The following DPP10 variants were observed in gnomAD, a reference collection of about 807,000 sequenced individuals.
The protein encoded by DPP10 is dipeptidyl peptidase like 10.
DPP10 carries 33 observed loss-of-function variants against 120.9 expected under a neutral mutation model. That is an observed-to-expected ratio of 0.27 (90% CI 0.21 to 0.37). The LOEUF (loss-of-function observed/expected upper bound fraction) is 0.37. Among genes scored for constraint, DPP10 ranks in the 10% least tolerant of loss-of-function variants. DPP10 has a pLI of 1.00. For missense variants in DPP10, 816 were observed against 942.8 expected (o/e 0.87, Z 1.76); for synonymous variants, 337 against 326.1 (o/e 1.03, Z -0.36).
chr2:115,087,533 C>CTTTTTTTTTTTTTTTTTTTT (rs1310507943), intron 1 of DPP10, among the ~76,000 whole-genome samples: 6 of 92,584 alleles, frequency 6.5e-5, no homozygotes, highest in East Asian at 2.8e-4. Context: ...CTTTTCTTTT[C>CTTTTTTTTTTTTTTTTTTTT]TTTTCTTTTT....
intron 1 of DPP10, among the ~76,000 whole-genome samples, chr2:114,942,301 A>ATG (rs1696977741): frequency 8.9e-6 from 1 of 111,812 alleles, no homozygotes; most frequent in African/African-American, 3.4e-5. Context: ...ATATATACAT[A>ATG]TATATATATA....
intron 3 of DPP10, among the ~76,000 whole-genome samples, chr2:115,410,618 A>C (rs2068879124): frequency 6.6e-6 from 1 of 152,142 alleles, no homozygotes; most frequent in Non-Finnish European, 1.5e-5. Flanking sequence ...TGGCACTTAA[A>C]AGCTGAAGGA....
intron 1 of DPP10, among the ~76,000 whole-genome samples, chr2:114,770,145 C>G (rs879843386): frequency 6.6e-6 from 1 of 151,916 alleles, no homozygotes; most frequent in African/African-American, 2.4e-5. Flanking sequence ...ACCAAAATAC[C>G]CATGCAGGGT....
At chr2:115,836,775 G>A (rs749492455) in intron 24 of DPP10, 29 bp downstream of exon 24, 3 of 1,598,720 alleles carry the variant, frequency 1.9e-6, no homozygotes, top group Non-Finnish European at 2.6e-6. Context: ...GCTGCTGTTT[G>A]ATAGGGTATG....
intron 1 of DPP10, among the ~76,000 whole-genome samples, chr2:114,453,365 T>C (rs1678390906): frequency 6.6e-6 from 1 of 152,178 alleles, no homozygotes; most frequent in South Asian, 2.1e-4. Context: ...ATTAAATGAC[T>C]CAGTTTCCAA....
intron 1 of DPP10, among the ~76,000 whole-genome samples, chr2:114,640,868 AAGG>A (rs1014021719): frequency 2.3e-4 from 35 of 152,044 alleles, no homozygotes; most frequent in Middle Eastern, 3.4e-3. Context: ...GAATGAGGGG[AAGG>A]AGGTTTCCCT....
chr2:114,762,858 T>C (rs1427720685), intron 1 of DPP10, among the ~76,000 whole-genome samples: 1 of 152,348 alleles, frequency 6.6e-6, no homozygotes, highest in South Asian at 2.1e-4. Context: ...GATAATCTAA[T>C]GTGTTCTGGG....
chr2:115,762,684 T>C, intron 12 of DPP10, 74 bp downstream of exon 12: 1 of 1,552,612 alleles, frequency 6.4e-7, no homozygotes. Context: ...GTGATAACTT[T>C]CTGTAAAAAG....
Position 114,614,224 on chromosome 2 carries a change from C to T in DPP10, c.60+171386C>T, listed in dbSNP as rs74498736. On this transcript the variant is annotated intron_variant, in intron 1 of 25. Coordinates refer to ENST00000410059, the MANE Select transcript of DPP10 (RefSeq NM_020868.6). ...GACTGATTTATCTACTCCACATCACCGGATTTTTGCAGGTCTTTCAAAATC... is the reference window on the plus strand; with the variant it reads ...GACTGATTTATCTACTCCACATCACTGGATTTTTGCAGGTCTTTCAAAATC... Among the ~76,000 whole-genome samples the T allele has an allele frequency of 7.5e-3, 1,143 of 152,234 alleles. 11 individuals carry two copies. Among genetic ancestry groups the T allele is most frequent in the African/African-American group, 0.026 (1,084 of 41,522 alleles).
chr2:115,435,997 T>G (rs934673182), intron 3 of DPP10, among the ~76,000 whole-genome samples: 4 of 151,972 alleles, frequency 2.6e-5, no homozygotes, highest in African/African-American at 9.6e-5. Context: ...GGACAAACTT[T>G]TAATTTTTCT....
chr2:115,067,794 G>A (rs1239522827), intron 1 of DPP10, among the ~76,000 whole-genome samples: 12 of 147,358 alleles, frequency 8.1e-5, no homozygotes, highest in Non-Finnish European at 1.8e-4. Flanking sequence ...CCCGGGAGGC[G>A]GAGCTTGCAG....
chr2:114,691,959 T>G (rs533651803), intron 1 of DPP10, among the ~76,000 whole-genome samples: 1 of 152,230 alleles, frequency 6.6e-6, no homozygotes, highest in South Asian at 2.1e-4. Context: ...TTGTGTTTAT[T>G]TGATTCTTCT....
At chr2:115,329,258 A>C (rs2106155205) in intron 2 of DPP10, among the ~76,000 whole-genome samples, 1 of 152,118 alleles carries the variant, frequency 6.6e-6, no homozygotes. Context: ...GAGTTTTAAA[A>C]ATGTATTTAT....
At chr2:114,485,919 G>A (rs187584277) in intron 1 of DPP10, among the ~76,000 whole-genome samples, 3 of 152,190 alleles carry the variant, frequency 2.0e-5, no homozygotes, top group Admixed American at 6.5e-5. Flanking sequence ...AAGGAAGAAG[G>A]GTTGGGGCTA....
At chr2:115,438,791 G>A (rs1574847555) in intron 3 of DPP10, among the ~76,000 whole-genome samples, 1 of 149,990 alleles carries the variant, frequency 6.7e-6, no homozygotes, top group East Asian at 2.0e-4. Flanking sequence ...ATGTGGAATA[G>A]TGGCTAAGAT....
intron 11 of DPP10, among the ~76,000 whole-genome samples, chr2:115,756,723 T>C (rs1400870432): frequency 6.6e-6 from 1 of 152,166 alleles, no homozygotes; most frequent in African/African-American, 2.4e-5. Flanking sequence ...GTTTGTTTTG[T>C]GCTGCCATAA....
intron 1 of DPP10, among the ~76,000 whole-genome samples, chr2:115,009,249 A>G (rs1573283667): frequency 1.3e-5 from 2 of 151,682 alleles, no homozygotes; most frequent in Non-Finnish European, 2.9e-5. Flanking sequence ...CTATGCAGCC[A>G]TAAAAAACGA....
chr2:115,169,529 A>G (rs547072990), intron 1 of DPP10, among the ~76,000 whole-genome samples: 1 of 152,258 alleles, frequency 6.6e-6, no homozygotes, highest in African/African-American at 2.4e-5. Flanking sequence ...TGAATTCGTG[A>G]CAACTTGACT....
At chr2:115,291,616 T>C (rs1353610508) in intron 1 of DPP10, among the ~76,000 whole-genome samples, 2 of 152,148 alleles carry the variant, frequency 1.3e-5, no homozygotes, top group Non-Finnish European at 2.9e-5. Flanking sequence ...TTTTCATCAC[T>C]ACCTTTATTT....
Sources: gnomAD v4.1 joint callset for allele counts (sites outside exome capture counted in the v4.1 genomes callset) on GRCh38, gnomAD v4.1.1 for gene constraint, MANE v1.5 for transcripts, NCBI Gene and HGNC (gene_info 2026-07-23, HGNC 2026-07-21) for gene names.